The following PCSK5 variants were observed in gnomAD, a reference collection of about 807,000 sequenced individuals.
PCSK5 encodes the protein proprotein convertase subtilisin/kexin type 5, also known as prohormone convertase 5.
A neutral mutation model predicts 233.2 loss-of-function variants in PCSK5; 129 were observed. The observed-to-expected ratio is 0.55, with a 90% CI of 0.48 to 0.64. The LOEUF (loss-of-function observed/expected upper bound fraction) is 0.64, where lower values mean the gene tolerates loss of function less well. Among genes scored for constraint, PCSK5 ranks in the 30% least tolerant of loss-of-function variants. The probability of loss-of-function intolerance (pLI) is 0.00; values close to 1 mark genes in which losing one functional copy is unlikely to be tolerated. For synonymous variants in PCSK5, 825 were observed against 879.2 expected (o/e 0.94, Z 1.09); for missense variants, 2,076 against 2,430.1 (o/e 0.85, Z 3.06).
chr9:76,350,747 C>T (rs1281636298), intron 35 of PCSK5, 81 bp from the exon 36 acceptor site: 4 of 864,348 alleles, frequency 4.6e-6, no homozygotes, highest in Admixed American at 2.0e-5. Flanking sequence ...TGACATATTC[C>T]TTGTTCCTAA....
chr9:75,942,553 C>T (rs1824359577), intron 2 of PCSK5, among the ~76,000 whole-genome samples: 1 of 152,166 alleles, frequency 6.6e-6, no homozygotes, highest in Non-Finnish European at 1.5e-5. Flanking sequence ...ATAACAGGCT[C>T]AGGTCTTGCA....
chr9:76,161,970 C>G (rs1240685849), intron 12 of PCSK5, among the ~76,000 whole-genome samples: 1 of 152,166 alleles, frequency 6.6e-6, no homozygotes, highest in Non-Finnish European at 1.5e-5. Flanking sequence ...TGGTCTGGAG[C>G]AGTTTCTTCA....
intron 8 of PCSK5, 54 bp from the exon 9 acceptor site, chr9:76,107,197 T>G: frequency 2.9e-6 from 3 of 1,042,494 alleles, no homozygotes. Context: ...TCTTTCTACT[T>G]GCAGGTGACT....
At chr9:75,986,347 G>A in intron 3 of PCSK5, 102 bp downstream of exon 3, 1 of 719,070 alleles carries the variant, frequency 1.4e-6, no homozygotes. Flanking sequence ...TACTGACCAG[G>A]GATTGTTTCC....
chr9:75,972,953 A>G (rs1009982701), intron 2 of PCSK5, among the ~76,000 whole-genome samples: 2 of 152,168 alleles, frequency 1.3e-5, no homozygotes, highest in Non-Finnish European at 2.9e-5. Context: ...ATATTTCAGA[A>G]GGGAGTTCCT....
At chr9:75,989,858 C>T (rs973146307) in intron 3 of PCSK5, among the ~76,000 whole-genome samples, 1 of 151,934 alleles carries the variant, frequency 6.6e-6, no homozygotes, top group Non-Finnish European at 1.5e-5. Context: ...AACGCTGATT[C>T]AATGTAACAG....
At chr9:76,090,268 C>CTT (rs558738023) in intron 7 of PCSK5, among the ~76,000 whole-genome samples, 5 of 149,882 alleles carry the variant, frequency 3.3e-5, no homozygotes, top group Non-Finnish European at 7.4e-5. Flanking sequence ...TCTTAAATTA[C>CTT]TTTTTTTTTT....
intron 5 of PCSK5, among the ~76,000 whole-genome samples, chr9:76,043,360 A>G (rs1371228758): frequency 6.9e-6 from 1 of 144,228 alleles, no homozygotes; most frequent in Non-Finnish European, 1.5e-5. Flanking sequence ...AAAAAAAAGT[A>G]TTTTCGAGGT....
intron 24 of PCSK5, among the ~76,000 whole-genome samples, chr9:76,247,600 C>T (rs1826657274): frequency 6.6e-6 from 1 of 152,074 alleles, no homozygotes; most frequent in Non-Finnish European, 1.5e-5. Context: ...CTAGGAAATC[C>T]AGCTAGTCCT....
At chr9:75,933,233 C>T (rs1485588883) in intron 2 of PCSK5, among the ~76,000 whole-genome samples, 1 of 152,052 alleles carries the variant, frequency 6.6e-6, no homozygotes, top group Non-Finnish European at 1.5e-5. Flanking sequence ...TCAGTATCTG[C>T]CCTTATTAAT....
intron 34 of PCSK5, among the ~76,000 whole-genome samples, chr9:76,333,242 C>T (rs112033736): frequency 1.3e-5 from 2 of 152,204 alleles, no homozygotes; most frequent in African/African-American, 4.8e-5. Flanking sequence ...GCATCCTTTC[C>T]TCAGAGAAGC....
intron 5 of PCSK5, among the ~76,000 whole-genome samples, chr9:76,044,609 G>T (rs979942879): frequency 6.6e-6 from 1 of 152,174 alleles, no homozygotes; most frequent in African/African-American, 2.4e-5. Flanking sequence ...GCTGTACGCA[G>T]TGCAACCCTT....
chr9:75,912,859 A>C (rs989682090), intron 1 of PCSK5, among the ~76,000 whole-genome samples: 1 of 152,114 alleles, frequency 6.6e-6, no homozygotes, highest in African/African-American at 2.4e-5. Flanking sequence ...CTTTTTGTAA[A>C]TGACAAAGGG....
chr9:76,280,090 T>C (rs535354969), intron 24 of PCSK5, among the ~76,000 whole-genome samples: 46 of 152,260 alleles, frequency 3.0e-4, no homozygotes, highest in African/African-American at 1.1e-3. Flanking sequence ...TCACTTTGTG[T>C]CTCTGTGTCA....
At chr9:76,212,144 G>A (rs974802721) in intron 20 of PCSK5, among the ~76,000 whole-genome samples, 4 of 152,068 alleles carry the variant, frequency 2.6e-5, no homozygotes, top group African/African-American at 9.7e-5. Flanking sequence ...CAACTCTTCC[G>A]CCAGACAGTT....
At chr9:76,268,561 C>T (rs923628896) in intron 24 of PCSK5, among the ~76,000 whole-genome samples, 6 of 152,148 alleles carry the variant, frequency 3.9e-5, no homozygotes, top group African/African-American at 1.4e-4. Flanking sequence ...AAACTAGAAG[C>T]GGCTGGGTGC....
chr9:76,179,486 A>T (rs1220987276), intron 14 of PCSK5, 110 bp from the exon 15 acceptor site: 2 of 679,444 alleles, frequency 2.9e-6, no homozygotes, highest in Admixed American at 5.4e-5. Context: ...GTCTTAAAGA[A>T]ACTCTCTGCA....
chr9:76,085,589 A>G (rs1831032257), intron 7 of PCSK5, among the ~76,000 whole-genome samples: 1 of 152,236 alleles, frequency 6.6e-6, no homozygotes, highest in African/African-American at 2.4e-5. Context: ...TGCGAGCCTG[A>G]TAACAGCTGT....
At chr9:76,268,068 T>A (rs984571544) in intron 24 of PCSK5, among the ~76,000 whole-genome samples, 44 of 152,148 alleles carry the variant, frequency 2.9e-4, no homozygotes, top group African/African-American at 9.2e-4. Flanking sequence ...GACTAAGACA[T>A]CTGCCATTAA....
Sources: allele counts gnomAD v4.1 joint callset (sites outside exome capture counted in the v4.1 genomes callset), GRCh38; gene constraint gnomAD v4.1.1; transcripts MANE v1.5; gene names NCBI Gene and HGNC (gene_info 2026-07-23, HGNC 2026-07-21).